The following CIC variants were observed in gnomAD, a reference collection of about 807,000 sequenced individuals.
CIC encodes capicua transcriptional repressor.
A neutral mutation model predicts 115.7 loss-of-function variants in CIC; 18 were observed. The ratio of observed to expected loss-of-function variants is 0.16; its 90% CI spans 0.11 to 0.23. The LOEUF (loss-of-function observed/expected upper bound fraction) is 0.23, where lower values mean the gene tolerates loss of function less well. Among genes scored for constraint, CIC ranks in the 10% least tolerant of loss-of-function variants. The probability of loss-of-function intolerance (pLI) is 1.00; values close to 1 mark genes in which losing one functional copy is unlikely to be tolerated. For synonymous variants in CIC, 1,076 were observed against 923.0 expected, an observed-to-expected ratio of 1.17 and a Z score of -3.01; for missense variants, 2,000 against 2,159.3, an observed-to-expected ratio of 0.93 and a Z score of 1.46.
At chr19:42,285,824 TCCACCAC>T (rs1252532345) in intron 2 of CIC, among the ~76,000 whole-genome samples, 2 of 152,228 alleles carry the variant, frequency 1.3e-5, no homozygotes, top group African/African-American at 4.8e-5. Flanking sequence ...GGCTTGCTCT[TCCACCAC>T]CCACCTCTTG....
Position 42,293,145 on chromosome 19 carries a change from A to G in CIC, c.6386A>G (p.Glu2129Gly), listed in dbSNP as rs780994862. The G allele has an allele frequency of 1.2e-6, 2 of 1,607,700 alleles. No homozygotes were observed. The highest frequency in any genetic ancestry group is 3.4e-5 in the Admixed American group (2 of 59,116). ...PGPVREPTAP[E>G]SELEGQPTPP... ...CCAGTCCGAGAGCCAACTGCCCCAG[A>G]GTCTGAGCTTGAGGGGCAGCCCACA... Residue 2129 changes from glutamate (E) to glycine (G), a missense_variant, in exon 16 of 21, where the codon GAG becomes GGG. This residue lies in a region of CIC where 1,466 missense variants were observed against 1,390.4 expected (regional missense o/e 1.05). Transcript: ENST00000681038.
chr19:42,280,662 C>T lies in CIC; in HGVS notation c.2794+6085C>T, dbSNP rs2037192255. 6.6e-6 allele frequency among the ~76,000 whole-genome samples: 1 copy of T among 152,126 alleles called. No individual in the cohort carries two copies. Among genetic ancestry groups the T allele is most frequent in the African/African-American group, 2.4e-5 (1 of 41,438 alleles). On this transcript the variant is annotated intron_variant, in intron 2 of 20. Transcript: ENST00000681038. This position sits in a 1 kb window ranked among gnomAD's most constrained non-coding sequence, Gnocchi z 4.9. The stretch of plus-strand genomic sequence containing the variant: ...GCCGCGGCCCGCGTGGGTGTCAGGC[C>T]GGCCGGGCACCCGTCCGCCCTCCCT...
chr19:42,294,143 C>T (rs771090969), intron 18 of CIC, 30 bp from the exon 19 acceptor site: 24 of 1,613,752 alleles, frequency 1.5e-5, no homozygotes, highest in East Asian at 2.2e-5. Context: ...ACTGGGGCCA[C>T]CTGCACTGAG....
At position 42,287,952 on chromosome 19, in the gene CIC, C is replaced by T. The variant is rs1164506525; in HGVS notation, c.3635C>T (p.Thr1212Met). Residue 1212 changes from threonine to methionine, a missense_variant, in exon 7 of 21, where the codon ACG (threonine) becomes ATG (methionine). Physicochemically the swap from Thr to Met is moderately conservative, Grantham distance 81. Transcript: ENST00000681038. The surrounding 1 kb of genome is among the most constrained non-coding windows in gnomAD (Gnocchi z 8.7). Reference protein sequence around the residue: ...KETRERSMSETGTAAAPGVSS... With the variant: ...KETRERSMSEMGTAAAPGVSS... ...ACGCGGGAGCGGAGCATGTCGGAGACGGGCACTGCTGCTGCCCCTGGGGGT... is the reference window on the plus strand; with the variant it reads ...ACGCGGGAGCGGAGCATGTCGGAGATGGGCACTGCTGCTGCCCCTGGGGGT... 7 of 1,600,302 alleles carry T rather than the reference C, an allele frequency of 4.4e-6. No homozygotes were observed. The highest frequency in any genetic ancestry group is 2.3e-5 in the East Asian group (1 of 44,354).
At position 42,271,984 on chromosome 19, in the gene CIC, T is replaced by C; in HGVS notation, c.201T>C (p.Ala67=). The C allele has an allele frequency of 2.5e-6, 1 of 399,226 alleles. No homozygotes were observed. Among genetic ancestry groups the C allele is most frequent in the Non-Finnish European group, 4.4e-6 (1 of 226,478 alleles). 24.7% of individuals were successfully genotyped at this position (399,226 alleles called of 1,614,324 possible). ...CTGAGGAAGGGGAGGAGGAGGAGGC[T>C]GAGCGGGGCCCTGGGGCTGAAGGTC... ...EEAEEGEEEE[A]ERGPGAEGPP... The change falls in exon 2 of 21, where the codon GCT becomes GCC. Residue 67 remains alanine, a synonymous_variant. Transcript: ENST00000681038.
chr19:42,277,104 G>C (rs1356470458), intron 2 of CIC, among the ~76,000 whole-genome samples: 1 of 152,212 alleles, frequency 6.6e-6, no homozygotes, highest in African/African-American at 2.4e-5. Context: ...GAGTCCTGCT[G>C]AGCCTTTACT....
rs772725296 is a variant in CIC, at chr19:42,271,946, G to A, written c.163G>A (p.Gly55Arg). 24 of 399,330 alleles carry A rather than the reference G, an allele frequency of 6.0e-5. No individual in the cohort carries two copies. Among genetic ancestry groups the A allele is most frequent in the Non-Finnish European group, 1.0e-4 (23 of 226,628 alleles). The allele number at this position is 399,330 out of a possible 1,614,324, so 24.7% of individuals were successfully genotyped here. A position where few individuals can be genotyped will look rare whatever the true frequency, so the allele number is the denominator to read the frequency against. The change falls in exon 2 of 21, where the codon GGG becomes AGG. Residue 55 changes from glycine (G) to arginine (R), a missense_variant. Transcript: ENST00000681038. The part of the protein sequence containing the change: ...DEAQQPQPQS[G>R]PEEAEEGEEE... ...GGCACAGCAGCCGCAACCACAGTCC[G>A]GGCCCGAAGAGGCTGAGGAAGGGGA...
intron 10 of CIC, 107 bp from the exon 11 acceptor site, chr19:42,290,126 G>T (rs2037967177): frequency 6.5e-7 from 1 of 1,533,908 alleles, no homozygotes; most frequent in Non-Finnish European, 9.0e-7. Context: ...TGGCAGGGGT[G>T]CAGCCCTAGG....
chr19:42,295,499 G>A lies in CIC; in HGVS notation c.*308G>A. 2.9e-6 allele frequency: 1 copy of A among 350,500 alleles called. No homozygotes were observed. 21.7% of individuals were successfully genotyped at this position (350,500 alleles called of 1,614,324 possible). Reference sequence around the variant, plus strand: ...TGTGAGGGCTGCAAGCTGGAGGGTGGTGCAGGCCTTGGGCCACAGGGAGGC... The same window carrying A: ...TGTGAGGGCTGCAAGCTGGAGGGTGATGCAGGCCTTGGGCCACAGGGAGGC... On this transcript the variant is annotated 3_prime_UTR_variant, in exon 21 of 21. Coordinates refer to ENST00000681038, the MANE Select transcript of CIC (RefSeq NM_001386298.1).
chr19:42,291,607 G>A lies in CIC; in HGVS notation c.5475G>A (p.Gln1825=), dbSNP rs201031684. The change falls in exon 12 of 21, where the codon CAG becomes CAA. Residue 1825 remains glutamine, a synonymous_variant. Coordinates refer to ENST00000681038, the MANE Select transcript of CIC (RefSeq NM_001386298.1). The part of the protein sequence containing the change: ...VQAPPPGGSA[Q]LLPGKVLVPL... ...CCCCGCCCCCGGGTGGCTCAGCCCA[G>A]CTGCTGCCTGGGAAGGTCCTAGTGC... 6.2e-7 allele frequency: 1 copy of A among 1,613,024 alleles called. No homozygotes were observed. Among genetic ancestry groups the A allele is most frequent in the East Asian group, 2.2e-5 (1 of 44,870 alleles).
rs1428735183 is a variant in CIC at position 42,290,842 on chromosome 19, C to T, written c.4801C>T (p.Pro1601Ser). 9 of 1,610,440 alleles carry T rather than the reference C, an allele frequency of 5.6e-6. No individual in the cohort carries two copies. Among genetic ancestry groups the T allele is most frequent in the Non-Finnish European group, 7.6e-6 (9 of 1,178,672 alleles). ...TGTGCCCATCGCCTCTAAGCCCTTCCCCACCTCTGGCCGGGCTGAGGCGTC... is the reference window on the plus strand; with the variant it reads ...TGTGCCCATCGCCTCTAAGCCCTTCTCCACCTCTGGCCGGGCTGAGGCGTC... Reference protein sequence around the residue: ...TPVPIASKPFPTSGRAEASPN... With the variant: ...TPVPIASKPFSTSGRAEASPN... Residue 1601 changes from proline to serine, a missense_variant, in exon 11 of 21, where the codon CCC (proline) becomes TCC (serine). By Grantham distance (74) the Pro-to-Ser change is moderately conservative. Coordinates refer to ENST00000681038, the MANE Select transcript of CIC (RefSeq NM_001386298.1).
chr19:42,291,792 C>T (rs1484432536), intron 12 of CIC, 47 bp downstream of exon 12: 1 of 1,601,416 alleles, frequency 6.2e-7, no homozygotes, highest in Admixed American at 1.7e-5. Flanking sequence ...GGCCCCTGTA[C>T]CCCATCATTT....
At chr19:42,284,844 G>T in intron 2 of CIC, 1 of 1,295,454 alleles carries the variant, frequency 7.7e-7, no homozygotes. Flanking sequence ...AACGGTGGTG[G>T]GGGTATAGTA....
intron 10 of CIC, 71 bp from the exon 11 acceptor site, chr19:42,290,162 G>A: frequency 6.2e-7 from 1 of 1,602,360 alleles, no homozygotes; most frequent in Non-Finnish European, 8.5e-7. Flanking sequence ...GGCTGGATGG[G>A]CATGGCTAGG....
Position 42,294,093 on chromosome 19 carries a change from G to T in CIC, c.6922+4G>T. ...AAGAAGAGGAAGAACTCCACGGGTA[G>T]GCGAGCATTGGGCACCCAGGGTCCT... On this transcript the variant is annotated splice_donor_region_variant and intron_variant, in intron 18 of 20. Coordinates refer to ENST00000681038, the MANE Select transcript of CIC (RefSeq NM_001386298.1). The T allele has an allele frequency of 6.2e-7, 1 of 1,613,668 alleles. No homozygotes were observed. The highest frequency in any genetic ancestry group is 8.5e-7 in the Non-Finnish European group (1 of 1,180,016).
At chr19:42,275,257 CTG>C (rs1407051799) in intron 2 of CIC, among the ~76,000 whole-genome samples, 1 of 152,220 alleles carries the variant, frequency 6.6e-6, no homozygotes, top group East Asian at 1.9e-4. Flanking sequence ...AGGACCAGGA[CTG>C]GAGCCCTCAT....
intron 2 of CIC, chr19:42,284,164 C>A: frequency 6.8e-6 from 1 of 147,334 alleles, no homozygotes; most frequent in South Asian, 2.1e-4. Flanking sequence ...CGACCCGGCG[C>A]TGAGCCTCGG....
rs2036854562 is a variant in CIC at position 42,273,403 on chromosome 19, T to TGGCGG, written c.1627_1631dup (p.Pro546AlafsTer58). The TGGCGG allele has an allele frequency of 2.5e-6, 1 of 398,058 alleles. No individual in the cohort carries two copies. 24.7% of individuals were successfully genotyped at this position (398,058 alleles called of 1,614,324 possible). On this transcript the variant is annotated frameshift_variant, in exon 2 of 21. Coordinates refer to ENST00000681038, the MANE Select transcript of CIC (RefSeq NM_001386298.1). LOFTEE classifies it high-confidence loss of function. ...TGGAAGGCCTGGCAGACAGTGGGCC[T>TGGCGG]GGCGGGGCGGGCCGGCCCGCGGCCG...
intron 2 of CIC, among the ~76,000 whole-genome samples, chr19:42,282,956 C>T (rs1359069430): frequency 6.6e-6 from 1 of 152,092 alleles, no homozygotes; most frequent in African/African-American, 2.4e-5. Context: ...TGGTTCCCTG[C>T]CTTATACTGC....
Sources: gnomAD v4.1 joint callset for allele counts (sites outside exome capture counted in the v4.1 genomes callset) on GRCh38, gnomAD v4.1.1 for gene constraint, gnomAD v4.1.1 regional missense constraint, Gnocchi (gnomAD v3.1) non-coding constraint, MANE v1.5 for transcripts, NCBI Gene and HGNC (gene_info 2026-07-23, HGNC 2026-07-21) for gene names.